The following ENOX1 variants were observed in gnomAD, a reference collection of about 807,000 sequenced individuals.
The protein encoded by ENOX1 is candidate growth-related and time keeping constitutive hydroquinone (NADH) oxidase.
A neutral mutation model predicts 82.5 loss-of-function variants in ENOX1; 42 were observed. That is an observed-to-expected ratio of 0.51 (90% CI 0.40 to 0.66). The LOEUF (loss-of-function observed/expected upper bound fraction) is 0.66. Among genes scored for constraint, ENOX1 ranks in the 30% least tolerant of loss-of-function variants. ENOX1 has a pLI of 0.00. For synonymous variants in ENOX1, 271 were observed against 282.2 expected (o/e 0.96, Z 0.40); for missense variants, 608 against 811.6 (o/e 0.75, Z 3.05).
At chr13:43,387,139 C>G (rs2052464359) in intron 5 of ENOX1, among the ~76,000 whole-genome samples, 1 of 152,154 alleles carries the variant, frequency 6.6e-6, no homozygotes, top group South Asian at 2.1e-4. Context: ...TTGCTTCTTA[C>G]TTTCTGGAAG....
intron 3 of ENOX1, among the ~76,000 whole-genome samples, chr13:43,413,387 T>G (rs189441957): frequency 9.2e-5 from 14 of 152,154 alleles, no homozygotes. Context: ...GTTAAAAAAT[T>G]AATTGATGCT....
chr13:43,643,604 T>A (rs2083755439), intron 2 of ENOX1, among the ~76,000 whole-genome samples: 1 of 151,696 alleles, frequency 6.6e-6, no homozygotes, highest in African/African-American at 2.4e-5. Flanking sequence ...CCTGTATGTA[T>A]GTGCATGTAT....
intron 14 of ENOX1, among the ~76,000 whole-genome samples, chr13:43,245,653 C>T (rs540171941): frequency 2.1e-4 from 32 of 152,232 alleles, no homozygotes; most frequent in African/African-American, 7.0e-4. Context: ...CTGCCCATCC[C>T]GAGGGTCGTG....
At chr13:43,491,152 A>T (rs1332433623) in intron 2 of ENOX1, among the ~76,000 whole-genome samples, 1 of 152,166 alleles carries the variant, frequency 6.6e-6, no homozygotes, top group Non-Finnish European at 1.5e-5. Flanking sequence ...CCATCACATG[A>T]TGACAGCAGG....
intron 2 of ENOX1, among the ~76,000 whole-genome samples, chr13:43,518,375 T>G (rs2077636245): frequency 6.6e-6 from 1 of 151,994 alleles, no homozygotes; most frequent in Non-Finnish European, 1.5e-5. Flanking sequence ...CAAATGTCTA[T>G]TAGCAAGCAG....
chr13:43,383,493 C>T (rs2052205650), intron 5 of ENOX1, among the ~76,000 whole-genome samples: 2 of 152,070 alleles, frequency 1.3e-5, no homozygotes, highest in Admixed American at 1.3e-4. Context: ...ATTAATATTG[C>T]ACTATTATTA....
At chr13:43,409,857 C>T (rs1253788109) in intron 5 of ENOX1, among the ~76,000 whole-genome samples, 1 of 151,824 alleles carries the variant, frequency 6.6e-6, no homozygotes, top group Non-Finnish European at 1.5e-5. Context: ...AGAACCTGAC[C>T]CTGAGATTGT....
intron 2 of ENOX1, among the ~76,000 whole-genome samples, chr13:43,531,310 A>AG: frequency 6.6e-6 from 1 of 152,152 alleles, no homozygotes; most frequent in Non-Finnish European, 1.5e-5. Context: ...TGCAGCCAAA[A>AG]ACACATGAAA....
intron 14 of ENOX1, among the ~76,000 whole-genome samples, chr13:43,245,970 C>T (rs756118597): frequency 4.6e-5 from 7 of 152,080 alleles, no homozygotes; most frequent in East Asian, 1.9e-4. Context: ...ACGGCTCACA[C>T]GAAGGACCCT....
chr13:43,427,001 T>G (rs1219743543), intron 3 of ENOX1, among the ~76,000 whole-genome samples: 1 of 152,210 alleles, frequency 6.6e-6, no homozygotes, highest in Non-Finnish European at 1.5e-5. Flanking sequence ...TCTTAACTAC[T>G]GGCTAATTCA....
chr13:43,698,866 C>A (rs1043138742), intron 1 of ENOX1, among the ~76,000 whole-genome samples: 7 of 152,252 alleles, frequency 4.6e-5, no homozygotes, highest in Non-Finnish European at 7.4e-5. Context: ...CAGTTTTAAC[C>A]TTTTGCGGAA....
chr13:43,314,249 T>C (rs1189481639), intron 11 of ENOX1, among the ~76,000 whole-genome samples: 3 of 152,200 alleles, frequency 2.0e-5, no homozygotes, highest in African/African-American at 7.2e-5. Flanking sequence ...CATTTAGATG[T>C]GGGAGAGCTT....
rs538533561 is a variant in ENOX1 at position 43,706,549 on chromosome 13, T to G, written c.-284-39005A>C. Among the ~76,000 whole-genome samples the G allele has an allele frequency of 2.0e-5, 3 of 152,118 alleles. No homozygotes were observed. The South Asian group carries it at 6.2e-4, about 32-fold the overall frequency. The stretch of plus-strand genomic sequence containing the variant: ...GTAATACATAAACAGATAATACAGC[T>G]TGACCATATGGTATTTTTCCCAAAA... On this transcript the variant is annotated intron_variant, in intron 1 of 16. Transcript: ENST00000690772.
intron 1 of ENOX1, among the ~76,000 whole-genome samples, chr13:43,671,000 C>A (rs1311035474): frequency 6.6e-6 from 1 of 152,166 alleles, no homozygotes; most frequent in Non-Finnish European, 1.5e-5. Flanking sequence ...AATCTCATCT[C>A]AAATTGTAAT....
intron 1 of ENOX1, among the ~76,000 whole-genome samples, chr13:43,736,790 G>T (rs747612655): frequency 6.6e-6 from 1 of 152,100 alleles, no homozygotes; most frequent in African/African-American, 2.4e-5. Context: ...AAGTGGAAGG[G>T]GTGGGGCTGA....
At chr13:43,765,694 A>G (rs538457790) in intron 1 of ENOX1, among the ~76,000 whole-genome samples, 2 of 152,292 alleles carry the variant, frequency 1.3e-5, no homozygotes, top group East Asian at 3.9e-4. Flanking sequence ...CAATGAATCA[A>G]TGAAGGAATG....
chr13:43,668,557 T>C (rs2085098753), intron 1 of ENOX1, among the ~76,000 whole-genome samples: 1 of 152,200 alleles, frequency 6.6e-6, no homozygotes, highest in Non-Finnish European at 1.5e-5. Flanking sequence ...TTTGGAAGTA[T>C]TTTACACTCT....
At chr13:43,668,928 G>T (rs961549501) in intron 1 of ENOX1, among the ~76,000 whole-genome samples, 1 of 152,176 alleles carries the variant, frequency 6.6e-6, no homozygotes, top group African/African-American at 2.4e-5. Context: ...ATCCAAATGT[G>T]ATTTTATCAA....
chr13:43,577,636 A>G (rs1408838974), intron 2 of ENOX1, among the ~76,000 whole-genome samples: 6 of 152,212 alleles, frequency 3.9e-5, no homozygotes, highest in African/African-American at 1.2e-4. Flanking sequence ...ATGAGAATGA[A>G]GCCCTCACAA....
Sources: allele counts gnomAD v4.1 joint callset (sites outside exome capture counted in the v4.1 genomes callset), GRCh38; gene constraint gnomAD v4.1.1; transcripts MANE v1.5; gene names NCBI Gene and HGNC (gene_info 2026-07-23, HGNC 2026-07-21).